Variants in NINJ2 observed in about 807,000 individuals in gnomAD.
NINJ2 encodes ninjurin 2, also known as ninjurin-2.
A neutral mutation model predicts 11.7 loss-of-function variants in NINJ2; 12 were observed. The observed-to-expected ratio is 1.02, with a 90% CI of 0.66 to 1.66. The LOEUF is 1.66. Ranked by LOEUF, NINJ2 falls within the 40% of genes most tolerant of loss-of-function variation. The pLI is 0.00. For missense variants in NINJ2, 187 were observed against 181.8 expected (o/e 1.03, Z -0.16); for synonymous variants, 93 against 76.8 (o/e 1.21, Z -1.10).
At chr12:575,198 G>A (rs1947437663) in intron 1 of NINJ2, among the ~76,000 whole-genome samples, 2 of 152,180 alleles carry the variant, frequency 1.3e-5, no homozygotes, top group South Asian at 4.1e-4. Flanking sequence ...CTGCAGGAAG[G>A]GAAACACTCA....
rs776672725 is a variant in NINJ2, at chr12:633,088, C to G, written c.33+30240G>C. 1.9e-4 allele frequency among the ~76,000 whole-genome samples: 29 copies of G among 152,274 alleles called. No individual in the cohort carries two copies. The highest frequency in any genetic ancestry group is 3.4e-3 in the Middle Eastern group (1 of 294). On this transcript the variant is annotated intron_variant, in intron 1 of 3. Coordinates refer to ENST00000305108, the MANE Select transcript of NINJ2 (RefSeq NM_016533.6). The surrounding 1 kb of genome is among the most constrained non-coding windows in gnomAD (Gnocchi z 4.3). ...CTGGCATTGGGCTTGGGGCAAAGAT[C>G]TAGGACTTTCTTTTCCAGGGAAGTT...
At chr12:574,603 C>T (rs1947427699) in intron 1 of NINJ2, among the ~76,000 whole-genome samples, 1 of 152,174 alleles carries the variant, frequency 6.6e-6, no homozygotes, top group South Asian at 2.1e-4. Flanking sequence ...CTCTCTGGCC[C>T]TGCCACCTTC....
chr12:585,811 G>C lies in NINJ2; in HGVS notation c.34-19633C>G, dbSNP rs1182129096. ...CAGACGGAGTTTGTGATTAATTACG[G>C]GAATGGGTGCCAAGTGAGAGATACA... On this transcript the variant is annotated intron_variant, in intron 1 of 3. Transcript: ENST00000305108. The surrounding 1 kb of genome is among the most constrained non-coding windows in gnomAD (Gnocchi z 4.1). 1.3e-5 allele frequency: 2 copies of C among 152,278 alleles called. No individual in the cohort carries two copies. Among genetic ancestry groups the C allele is most frequent in the Non-Finnish European group, 2.9e-5 (2 of 68,100 alleles). 9.4% of individuals were successfully genotyped at this position (152,278 alleles called of 1,614,324 possible). A position where few individuals can be genotyped will look rare whatever the true frequency, so the allele number is the denominator to read the frequency against.
chr12:582,489 ACAGG>A (rs1947570231), intron 1 of NINJ2, among the ~76,000 whole-genome samples: 2 of 52,364 alleles, frequency 3.8e-5, no homozygotes, highest in African/African-American at 1.7e-4. Flanking sequence ...ATGAATGGGC[ACAGG>A]CAGGCAGGCA....
At chr12:610,258 T>C in intron 1 of NINJ2, 1 of 1,134,246 alleles carries the variant, frequency 8.8e-7, no homozygotes, top group South Asian at 1.3e-5. Flanking sequence ...AAACAGCCCC[T>C]CTGGCAGCCC....
intron 1 of NINJ2, among the ~76,000 whole-genome samples, chr12:627,064 G>A (rs1592105169): frequency 6.6e-6 from 1 of 152,236 alleles, no homozygotes; most frequent in South Asian, 2.1e-4. Context: ...CGGCCTGGGT[G>A]ACAGAGCCAG....
At chr12:632,832 C>G (rs1266357932) in intron 1 of NINJ2, among the ~76,000 whole-genome samples, 1 of 152,118 alleles carries the variant, frequency 6.6e-6, no homozygotes, top group Non-Finnish European at 1.5e-5. Flanking sequence ...AATGAGGAAA[C>G]TGAAGTTATA....
chr12:660,539 C>T (rs577990534), intron 1 of NINJ2, among the ~76,000 whole-genome samples: 5 of 152,012 alleles, frequency 3.3e-5, no homozygotes, highest in African/African-American at 1.2e-4. Flanking sequence ...CAGGGTTTCA[C>T]TATGTTGGCC....
chr12:608,999 T>C (rs543695316), intron 1 of NINJ2, among the ~76,000 whole-genome samples: 1 of 152,192 alleles, frequency 6.6e-6, no homozygotes, highest in South Asian at 2.1e-4. Context: ...GAAGAATTCA[T>C]GCACATACAC....
At chr12:572,087 T>C (rs781398666) in intron 1 of NINJ2, among the ~76,000 whole-genome samples, 1 of 152,264 alleles carries the variant, frequency 6.6e-6, no homozygotes, top group Non-Finnish European at 1.5e-5. Context: ...CCGGGAGCAC[T>C]GGACGCCTTT....
At chr12:634,528 G>A (rs1948324224) in intron 1 of NINJ2, among the ~76,000 whole-genome samples, 1 of 151,936 alleles carries the variant, frequency 6.6e-6, no homozygotes, top group African/African-American at 2.4e-5. Context: ...TAAAGTGCTG[G>A]GATTACAGGC....
intron 1 of NINJ2, among the ~76,000 whole-genome samples, chr12:653,382 A>T (rs1937824353): frequency 6.6e-6 from 1 of 152,026 alleles, no homozygotes; most frequent in Non-Finnish European, 1.5e-5. Context: ...AATATATTTG[A>T]TTATGTATAC....
chr12:632,759 A>C (rs924083586), intron 1 of NINJ2: 2 of 152,268 alleles, frequency 1.3e-5, no homozygotes, highest in Non-Finnish European at 2.9e-5. Context: ...GTTTTCATGT[A>C]TCTTCATCAA....
At position 628,984 on chromosome 12, in the gene NINJ2, C is replaced by G. The variant is rs1167136031; in HGVS notation, c.33+34344G>C. 6.6e-6 allele frequency among the ~76,000 whole-genome samples: 1 copy of G among 152,128 alleles called. No homozygotes were observed. The highest frequency in any genetic ancestry group is 1.9e-4 in the East Asian group (1 of 5,192). On this transcript the variant is annotated intron_variant, in intron 1 of 3. Coordinates refer to ENST00000305108, the MANE Select transcript of NINJ2 (RefSeq NM_016533.6). This position sits in a 1 kb window ranked among gnomAD's most constrained non-coding sequence, Gnocchi z 4.4. ...ACCCACCCCTTGTTTAGCATATGAT[C>G]AAGAAATAACCATAAAAATAGCCAA...
At chr12:658,653 ATGCTATGCT>A (rs1937908138) in intron 1 of NINJ2, among the ~76,000 whole-genome samples, 1 of 1,664 alleles carries the variant, frequency 6.0e-4, no homozygotes, top group Non-Finnish European at 6.0e-3. Flanking sequence ...CTATTATGCT[ATGCTATGCT>A]ATGCTATGCT....
At chr12:647,783 G>C (rs2120516598) in intron 1 of NINJ2, among the ~76,000 whole-genome samples, 1 of 152,302 alleles carries the variant, frequency 6.6e-6, no homozygotes, top group African/African-American at 2.4e-5. Flanking sequence ...CAGGGTTTCT[G>C]ATTTGGTGGG....
chr12:635,020 C>T (rs902900294), intron 1 of NINJ2, among the ~76,000 whole-genome samples: 17 of 151,870 alleles, frequency 1.1e-4, no homozygotes, highest in Admixed American at 1.1e-3. Flanking sequence ...GCTGGGATTA[C>T]AGGTGTCAAT....
rs530939538 is a variant in NINJ2, at chr12:658,123, C to T, written c.33+5205G>A. Among the ~76,000 whole-genome samples, 6 of 151,448 alleles carry T rather than the reference C, an allele frequency of 4.0e-5. No individual in the cohort carries two copies. In the East Asian group the frequency reaches 7.8e-4, roughly 20 times the overall value. ...AAGCGATTCTCCTGCCTTAGCCTCC[C>T]GAGTAGCTGGGATTACAAGCACCTG... On this transcript the variant is annotated intron_variant, in intron 1 of 3. Transcript: ENST00000305108.
At chr12:620,000 C>A (rs1410835056) in intron 1 of NINJ2, among the ~76,000 whole-genome samples, 8 of 152,208 alleles carry the variant, frequency 5.3e-5, no homozygotes, top group African/African-American at 1.9e-4. Flanking sequence ...CCCATGGCAG[C>A]CGTGTCATGG....
Sources: allele counts gnomAD v4.1 joint callset (sites outside exome capture counted in the v4.1 genomes callset), GRCh38; gene constraint gnomAD v4.1.1; non-coding constraint Gnocchi (gnomAD v3.1); transcripts MANE v1.5; gene names NCBI Gene and HGNC (gene_info 2026-07-23, HGNC 2026-07-21).